Variants in NPAS2 observed in about 807,000 individuals in gnomAD.
NPAS2 encodes the protein neuronal PAS domain protein 2.
In NPAS2, 23 loss-of-function variants were observed where a neutral mutation model predicts 107.5. That is an observed-to-expected ratio of 0.21 (90% CI 0.15 to 0.30). The LOEUF (loss-of-function observed/expected upper bound fraction) is 0.30. Among genes scored for constraint, NPAS2 ranks in the 10% least tolerant of loss-of-function variants. The probability of loss-of-function intolerance (pLI) is 1.00; values close to 1 mark genes in which losing one functional copy is unlikely to be tolerated. For missense variants in NPAS2, 756 were observed against 1,043.3 expected, an observed-to-expected ratio of 0.72 and a Z score of 3.79; for synonymous variants, 403 against 417.5, an observed-to-expected ratio of 0.97 and a Z score of 0.42.
intron 1 of NPAS2, among the ~76,000 whole-genome samples, chr2:100,873,270 AAATACATATATATATATAT>A (rs1215197954): frequency 1.9e-4 from 12 of 61,996 alleles, no homozygotes; most frequent in African/African-American, 9.8e-4. Context: ...AAAAAAAAAA[AAATACATATATATATATAT>A]ATATATATAT....
intron 1 of NPAS2, among the ~76,000 whole-genome samples, chr2:100,832,557 C>A (rs1676809434): frequency 6.6e-6 from 1 of 152,202 alleles, no homozygotes; most frequent in South Asian, 2.1e-4. Context: ...GGTATATACA[C>A]AGTCCCTCGG....
intron 17 of NPAS2, 96 bp from the exon 18 acceptor site, chr2:100,990,160 A>G: frequency 9.4e-7 from 1 of 1,063,546 alleles, no homozygotes; most frequent in Non-Finnish European, 1.4e-6. Flanking sequence ...AGGAAAGGCA[A>G]GGGTAGGTAG....
At chr2:100,848,475 G>T (rs2104457581) in intron 1 of NPAS2, among the ~76,000 whole-genome samples, 1 of 152,296 alleles carries the variant, frequency 6.6e-6, no homozygotes, top group East Asian at 1.9e-4. Context: ...AAAGGAGGAG[G>T]AAAGGGAAGT....
chr2:100,871,122 TCTCACCCA>T (rs1482446486), intron 1 of NPAS2, among the ~76,000 whole-genome samples: 2 of 152,172 alleles, frequency 1.3e-5, no homozygotes, highest in East Asian at 3.9e-4. Context: ...GTGGGCCACA[TCTCACCCA>T]CTCACCCACA....
chr2:100,993,888 A>G (rs1302840582), intron 20 of NPAS2: 1 of 215,092 alleles, frequency 4.6e-6, no homozygotes, highest in African/African-American at 2.3e-5. Flanking sequence ...GTGTGTTTAT[A>G]AAGTCCTATA....
At chr2:100,865,535 C>T (rs1679198711) in intron 1 of NPAS2, among the ~76,000 whole-genome samples, 1 of 152,294 alleles carries the variant, frequency 6.6e-6, no homozygotes. Context: ...CACCTTTGCT[C>T]AAGTCGGGTA....
intron 3 of NPAS2, among the ~76,000 whole-genome samples, chr2:100,931,790 C>T (rs1330565048): frequency 6.6e-6 from 1 of 152,162 alleles, no homozygotes; most frequent in Non-Finnish European, 1.5e-5. Context: ...GGCCATAACT[C>T]AGCTCTTTAC....
At chr2:100,926,412 A>G (rs1320621831) in intron 3 of NPAS2, among the ~76,000 whole-genome samples, 1 of 152,132 alleles carries the variant, frequency 6.6e-6, no homozygotes, top group Non-Finnish European at 1.5e-5. Flanking sequence ...GAGGGTTCCA[A>G]TTTCTCCACA....
intron 1 of NPAS2, among the ~76,000 whole-genome samples, chr2:100,852,211 A>G (rs182848484): frequency 2.6e-4 from 40 of 151,952 alleles, no homozygotes; most frequent in African/African-American, 9.7e-4. Flanking sequence ...CCTGGCTAAC[A>G]CGGTGAAACC....
At chr2:100,932,790 CTTAAA>C (rs1684044403) in intron 3 of NPAS2, 115 bp from the exon 4 acceptor site, 2 of 702,446 alleles carry the variant, frequency 2.8e-6, no homozygotes, top group Non-Finnish European at 5.0e-6. Context: ...CTGCTGGCTT[CTTAAA>C]TTAAACTACA....
rs1338608546 is a variant in NPAS2, at chr2:100,976,191, G to A, written c.1392+624G>A. ...GCACTTCTCTGCTCCTTGGTGTCGG[G>A]GATCTCGTGGGCCTAGGCTATGGAA... On this transcript the variant is annotated intron_variant, in intron 14 of 20. Transcript: ENST00000335681. The surrounding 1 kb of genome is among the most constrained non-coding windows in gnomAD (Gnocchi z 4.1). 6.6e-6 allele frequency among the ~76,000 whole-genome samples: 1 copy of A among 151,920 alleles called. No individual in the cohort carries two copies. The highest frequency in any genetic ancestry group is 1.5e-5 in the Non-Finnish European group (1 of 67,992).
At chr2:100,937,195 G>A (rs1424267121) in intron 4 of NPAS2, among the ~76,000 whole-genome samples, 1 of 152,082 alleles carries the variant, frequency 6.6e-6, no homozygotes, top group Non-Finnish European at 1.5e-5. Flanking sequence ...ACCCAGCCCT[G>A]TAGAGTAATG....
At position 100,946,281 on chromosome 2, in the gene NPAS2, C is replaced by T. The variant is rs180964319; in HGVS notation, c.364-1954C>T. Among the ~76,000 whole-genome samples, 19 of 151,162 alleles carry T rather than the reference C, an allele frequency of 1.3e-4. No individual in the cohort carries two copies. The South Asian group carries it at 1.9e-3, about 15-fold the overall frequency. On this transcript the variant is annotated intron_variant, in intron 5 of 20. Transcript: ENST00000335681. ...TTCAAGCCTGGGCTCTGAGCTCTCA[C>T]GCCTTGCCATGTCACCTGATGTCCC...
At chr2:100,847,722 T>A (rs1263621604) in intron 1 of NPAS2, among the ~76,000 whole-genome samples, 2 of 152,208 alleles carry the variant, frequency 1.3e-5, no homozygotes, top group African/African-American at 4.8e-5. Context: ...CGGCAAGGTG[T>A]GACATCTGTA....
chr2:100,984,275 T>TA (rs1360608944), intron 16 of NPAS2: 1 of 152,210 alleles, frequency 6.6e-6, no homozygotes, highest in Non-Finnish European at 1.5e-5. Flanking sequence ...TTGTAAGACT[T>TA]AAAGAAATAT....
chr2:100,889,873 A>G (rs1320349991), intron 1 of NPAS2, among the ~76,000 whole-genome samples: 1 of 147,774 alleles, frequency 6.8e-6, no homozygotes, highest in East Asian at 2.1e-4. Flanking sequence ...AATTAATGCC[A>G]TTTTCCGTAT....
At position 100,972,331 on chromosome 2, in the gene NPAS2, C is replaced by T. The variant is rs536809721; in HGVS notation, c.1140+1257C>T. Among the ~76,000 whole-genome samples the T allele has an allele frequency of 4.6e-5, 7 of 152,268 alleles. No individual in the cohort carries two copies. The East Asian group carries it at 9.6e-4, about 21-fold the overall frequency. On this transcript the variant is annotated intron_variant, in intron 12 of 20. Coordinates refer to ENST00000335681, the MANE Select transcript of NPAS2 (RefSeq NM_002518.4). ...GTTTCTTTTCATCAACGGAAGGACA[C>T]GTCTTAATTTCAGAAGTGTTCAAAT...
At chr2:100,970,933 T>A in intron 11 of NPAS2, 57 bp from the exon 12 acceptor site, 1 of 1,478,314 alleles carries the variant, frequency 6.8e-7, no homozygotes, top group East Asian at 2.3e-5. Flanking sequence ...GTTCAGGTGG[T>A]GTCATCCCTT....
At chr2:100,949,325 C>A in intron 6 of NPAS2, 42 bp from the exon 7 acceptor site, 2 of 1,154,562 alleles carry the variant, frequency 1.7e-6, no homozygotes, top group Non-Finnish European at 2.6e-6. Flanking sequence ...CTGTGCAATG[C>A]TCACGACCCC....
Sources: allele counts gnomAD v4.1 joint callset (sites outside exome capture counted in the v4.1 genomes callset), GRCh38; gene constraint gnomAD v4.1.1; non-coding constraint Gnocchi (gnomAD v3.1); transcripts MANE v1.5; gene names NCBI Gene and HGNC (gene_info 2026-07-23, HGNC 2026-07-21).